The following CEP97 variants were observed in gnomAD, a reference collection of about 807,000 sequenced individuals.
CEP97 encodes the protein centrosomal protein 97, also known as centrosomal protein of 97 kDa.
Under a neutral mutation model 73.1 loss-of-function variants are expected in CEP97, and 43 were observed. That is an observed-to-expected ratio of 0.59 (90% confidence interval 0.46 to 0.76). CEP97 has a LOEUF of 0.76. Ranked by LOEUF, CEP97 falls within the 30% of genes least tolerant of loss-of-function variation. The pLI is 0.00. For synonymous variants in CEP97, 337 were observed against 370.0 expected, an observed-to-expected ratio of 0.91 and a Z score of 1.02; for missense variants, 939 against 1,014.0, an observed-to-expected ratio of 0.93 and a Z score of 1.00.
At chr3:101,758,574 A>G (rs1361552763) in intron 9 of CEP97, 151 bp downstream of exon 9, 1 of 894,622 alleles carries the variant, frequency 1.1e-6, no homozygotes, top group Non-Finnish European at 1.7e-6. Flanking sequence ...GTGTACCGAA[A>G]GCATCTGGAG....
Position 101,764,859 on chromosome 3 carries a change from C to T in CEP97, c.1906C>T (p.Gln636Ter), listed in dbSNP as rs1209450295. Reference protein sequence around the residue: ...RFLWNQVRSLQVWQQTVDQRL... With the variant: ...RFLWNQVRSL Reference sequence around the variant, plus strand: ...CTCTGGTTTATAGGTAAGGTCTCTACAGGTTTGGCAACAGACAGTGGACCA... The same window carrying T: ...CTCTGGTTTATAGGTAAGGTCTCTATAGGTTTGGCAACAGACAGTGGACCA... The change falls in exon 11 of 11, where the codon CAG becomes TAG. Residue 636 changes from glutamine to a stop codon, truncating the protein, a stop_gained. Transcript: ENST00000341893. LOFTEE classifies it low-confidence loss of function (END_TRUNC). 2 of 1,606,894 alleles carry T rather than the reference C, an allele frequency of 1.2e-6. No individual in the cohort carries two copies. Among genetic ancestry groups the T allele is most frequent in the Admixed American group, 3.4e-5 (2 of 58,188 alleles).
At chr3:101,740,265 A>G (rs1287209139) in intron 6 of CEP97, among the ~76,000 whole-genome samples, 1 of 152,236 alleles carries the variant, frequency 6.6e-6, no homozygotes, top group Non-Finnish European at 1.5e-5. Context: ...CTGATAAGCA[A>G]CTTCAGCAAA....
At chr3:101,761,497 G>A (rs1939176398) in intron 9 of CEP97, among the ~76,000 whole-genome samples, 1 of 152,164 alleles carries the variant, frequency 6.6e-6, no homozygotes, top group Non-Finnish European at 1.5e-5. Flanking sequence ...GCAGATGGTG[G>A]GAGGTCAGTA....
chr3:101,753,229 G>A (rs1938890858), intron 6 of CEP97, among the ~76,000 whole-genome samples: 1 of 152,196 alleles, frequency 6.6e-6, no homozygotes, highest in Non-Finnish European at 1.5e-5. Flanking sequence ...AACTGGGAAT[G>A]CTGCTGTCTG....
At chr3:101,737,723 C>A (rs567807518) in intron 6 of CEP97, among the ~76,000 whole-genome samples, 1 of 152,246 alleles carries the variant, frequency 6.6e-6, no homozygotes, top group East Asian at 1.9e-4. Context: ...CCAGTACTAG[C>A]CACTGCAAAA....
intron 6 of CEP97, among the ~76,000 whole-genome samples, chr3:101,749,563 T>G (rs956985963): frequency 7.6e-6 from 1 of 131,378 alleles, no homozygotes; most frequent in Non-Finnish European, 1.6e-5. Flanking sequence ...TCCTGAGGAA[T>G]CGCCACACTG....
In CEP97 at chr3:101,765,024, C is replaced by G. The variant is rs748830169; in HGVS notation, c.2071C>G (p.Gln691Glu). Residue 691 changes from glutamine to glutamate, a missense_variant, in exon 11 of 11, where the codon CAA (glutamine) becomes GAA (glutamate). Coordinates refer to ENST00000341893, the MANE Select transcript of CEP97 (RefSeq NM_024548.4). ...GTTTATTGCTTCTGATGTAGCTCCT[C>G]AAGAGAAATCATTACCAGAATTTCC... Reference protein sequence around the residue: ...DWFIASDVAPQEKSLPEFPDS... With the variant: ...DWFIASDVAPEEKSLPEFPDS... The G allele has an allele frequency of 6.2e-7, 1 of 1,614,000 alleles. No homozygotes were observed. Among genetic ancestry groups the G allele is most frequent in the Non-Finnish European group, 8.5e-7 (1 of 1,180,030 alleles).
intron 10 of CEP97, among the ~76,000 whole-genome samples, chr3:101,763,516 G>A (rs1274853833): frequency 2.0e-5 from 3 of 152,092 alleles, no homozygotes; most frequent in Admixed American, 6.6e-5. Context: ...CAGCTTCCCT[G>A]TATATTTGAA....
At chr3:101,743,107 G>A (rs926883742) in intron 6 of CEP97, among the ~76,000 whole-genome samples, 2 of 151,786 alleles carry the variant, frequency 1.3e-5, no homozygotes, top group African/African-American at 2.4e-5. Context: ...TTTGCTGGGT[G>A]TGGTGGTGTG....
At chr3:101,745,828 A>T (rs556091400) in intron 6 of CEP97, among the ~76,000 whole-genome samples, 10 of 152,028 alleles carry the variant, frequency 6.6e-5, no homozygotes, top group Admixed American at 1.3e-4. Context: ...ATATGTATAC[A>T]TGTGCCATGC....
rs1939365205 is a variant in CEP97, at chr3:101,768,193, G to A, written c.*2642G>A. 6.6e-6 allele frequency: 1 copy of A among 152,176 alleles called. No homozygotes were observed. Among genetic ancestry groups the A allele is most frequent in the Admixed American group, 6.5e-5 (1 of 15,280 alleles). 9.4% of individuals were successfully genotyped at this position (152,176 alleles called of 1,614,324 possible). A position where few individuals can be genotyped will look rare whatever the true frequency, so the allele number is the denominator to read the frequency against. On this transcript the variant is annotated 3_prime_UTR_variant, in exon 11 of 11. Coordinates refer to ENST00000341893, the MANE Select transcript of CEP97 (RefSeq NM_024548.4). ...TTGGAAGGAAGCTTAAGAGATTTCT[G>A]TTCGAATCTCTTTGTTTCAAAGATG... is the stretch of plus-strand genomic sequence containing the variant.
At position 101,767,435 on chromosome 3, in the gene CEP97, C is replaced by T. The variant is rs1199908715; in HGVS notation, c.*1884C>T. 1 of 152,026 alleles carries T rather than the reference C, an allele frequency of 6.6e-6. No homozygotes were observed. The highest frequency in any genetic ancestry group is 2.4e-5 in the African/African-American group (1 of 41,402). The allele number at this position is 152,026 out of a possible 1,614,324, so 9.4% of individuals were successfully genotyped here. On this transcript the variant is annotated 3_prime_UTR_variant, in exon 11 of 11. Coordinates refer to ENST00000341893, the MANE Select transcript of CEP97 (RefSeq NM_024548.4). ...TAAAGTTAAGTGCCTCACTTGCTGT[C>T]CATAGTTAGACAAAGAAAAACCAAT...
intron 9 of CEP97, among the ~76,000 whole-genome samples, chr3:101,760,710 TA>T (rs1470240599): frequency 2.6e-5 from 4 of 151,984 alleles, no homozygotes; most frequent in South Asian, 4.2e-4. Flanking sequence ...CCCAGCTAAT[TA>T]AAAAAAATTT....
At position 101,744,816 on chromosome 3, in the gene CEP97, T is replaced by C. The variant is rs181387566; in HGVS notation, c.729-10614T>C. On this transcript the variant is annotated intron_variant, in intron 6 of 10. Coordinates refer to ENST00000341893, the MANE Select transcript of CEP97 (RefSeq NM_024548.4). ...GCTGAAAATATTTTCCTGGTCAACA[T>C]TGAGAATTGCCCTGAAGGACAGGAA... is the stretch of plus-strand genomic sequence containing the variant. Among the ~76,000 whole-genome samples, 177 of 152,296 alleles carry C rather than the reference T, an allele frequency of 1.2e-3. 1 individual carries two copies. Among genetic ancestry groups the C allele is most frequent in the East Asian group, 4.1e-3 (21 of 5,184 alleles).
chr3:101,753,563 C>T (rs1280684303), intron 6 of CEP97, among the ~76,000 whole-genome samples: 9 of 152,222 alleles, frequency 5.9e-5, no homozygotes, highest in African/African-American at 1.4e-4. Flanking sequence ...CCACCCAGTT[C>T]GGGCTTCCGG....
intron 9 of CEP97, chr3:101,759,271 A>T (rs574948710): frequency 6.6e-6 from 1 of 152,260 alleles, no homozygotes; most frequent in African/African-American, 2.4e-5. Context: ...CCTAGGGCAG[A>T]GTCTAGGAGA....
intron 6 of CEP97, among the ~76,000 whole-genome samples, chr3:101,752,364 T>G (rs2107174599): frequency 6.6e-6 from 1 of 152,258 alleles, no homozygotes; most frequent in African/African-American, 2.4e-5. Flanking sequence ...AATCTGACAA[T>G]TATGTGTCTT....
Position 101,769,163 on chromosome 3 carries a change from C to T in CEP97, c.*3612C>T, listed in dbSNP as rs78070847. On this transcript the variant is annotated 3_prime_UTR_variant, in exon 11 of 11. Transcript: ENST00000341893. ...CAAGCTTGAGATATTATACTATCTCCCTTGGTATTTTTTGTGTGCAAAGTC... is the reference window on the plus strand; with the variant it reads ...CAAGCTTGAGATATTATACTATCTCTCTTGGTATTTTTTGTGTGCAAAGTC... 1,418 of 151,796 alleles carry T rather than the reference C, an allele frequency of 9.3e-3. 19 individuals are homozygous for T. Among genetic ancestry groups the T allele is most frequent in the African/African-American group, 0.032 (1,344 of 41,376 alleles). The allele number at this position is 151,796 out of a possible 1,614,324, so 9.4% of individuals were successfully genotyped here.
In CEP97 at chr3:101,758,006, T is replaced by G. The variant is rs183786171; in HGVS notation, c.1400T>G (p.Met467Arg). The change falls in exon 9 of 11, where the codon ATG becomes AGG. Residue 467 changes from methionine (M) to arginine (R), a missense_variant. Met to Arg is a moderately conservative substitution (Grantham distance 91, BLOSUM62 -1). Transcript: ENST00000341893. Reference protein sequence around the residue: ...WAANENSVQMMRSEINTEVNE... With the variant: ...WAANENSVQMRRSEINTEVNE... ...GCAAATGAGAATTCTGTTCAAATGA[T>G]GAGAAGTGAAATCAATACAGAGGTA... 2 of 1,614,198 alleles carry G rather than the reference T, an allele frequency of 1.2e-6. No individual in the cohort carries two copies. Among genetic ancestry groups the G allele is most frequent in the Admixed American group, 1.7e-5 (1 of 60,018 alleles).
Sources: allele counts gnomAD v4.1 joint callset (sites outside exome capture counted in the v4.1 genomes callset), GRCh38; gene constraint gnomAD v4.1.1; transcripts MANE v1.5; gene names NCBI Gene and HGNC (gene_info 2026-07-23, HGNC 2026-07-21).